The following ATP6V1H variants were observed in gnomAD, a reference collection of about 807,000 sequenced individuals.
ATP6V1H encodes V-type proton ATPase subunit H.
A neutral mutation model predicts 71.7 loss-of-function variants in ATP6V1H; 39 were observed. The ratio of observed to expected loss-of-function variants is 0.54; its 90% CI spans 0.42 to 0.71. ATP6V1H has a LOEUF of 0.71. ATP6V1H is among the 30% of genes least tolerant of loss of function. The pLI, the probability that ATP6V1H is intolerant of heterozygous loss-of-function variation, is 0.00. For missense variants in ATP6V1H, 509 were observed against 594.9 expected (o/e 0.86, Z 1.50); for synonymous variants, 192 against 199.3 (o/e 0.96, Z 0.31).
At chr8:53,738,184 C>G (rs746387924) in intron 13 of ATP6V1H, among the ~76,000 whole-genome samples, 12 of 151,786 alleles carry the variant, frequency 7.9e-5, no homozygotes, top group Non-Finnish European at 1.5e-4. Context: ...GTAATCCCAG[C>G]TACTTGGGAG....
intron 9 of ATP6V1H, 89 bp downstream of exon 9, chr8:53,795,558 A>G (rs1809699138): frequency 8.8e-7 from 1 of 1,132,056 alleles, no homozygotes; most frequent in South Asian, 1.4e-5. Context: ...CAAGAAGAAC[A>G]AGTAATTTTT....
chr8:53,798,897 A>G lies in ATP6V1H; in HGVS notation c.677+2902T>C, dbSNP rs140140014. On this transcript the variant is annotated intron_variant, in intron 8 of 13. Coordinates refer to ENST00000359530, the MANE Select transcript of ATP6V1H (RefSeq NM_015941.4). ...ATCTTTTTGCTGCTAAATGGTTAAC[A>G]TTGCTGAATGGTCTCTAAAATACTA... 2.3e-3 allele frequency among the ~76,000 whole-genome samples: 344 copies of G among 152,320 alleles called. 2 individuals are homozygous for G. The highest frequency in any genetic ancestry group is 7.8e-3 in the African/African-American group (326 of 41,568).
rs533482549 is a variant in ATP6V1H, at chr8:53,773,938, T to A, written c.871-1771A>T. ...GGAGATAAAACAGAAAAAGAGTAAG[T>A]GAACTTGAAAATAGGTTAAAGTTAT... On this transcript the variant is annotated intron_variant, in intron 9 of 13. Coordinates refer to ENST00000359530, the MANE Select transcript of ATP6V1H (RefSeq NM_015941.4). Among the ~76,000 whole-genome samples, 3 of 152,242 alleles carry A rather than the reference T, an allele frequency of 2.0e-5. No individual in the cohort carries two copies. In the South Asian group the frequency reaches 6.2e-4, roughly 32 times the overall value.
intron 9 of ATP6V1H, among the ~76,000 whole-genome samples, chr8:53,785,904 G>T (rs1331257433): frequency 6.6e-6 from 1 of 151,934 alleles, no homozygotes. Context: ...TGGAAGTTTT[G>T]TCTCAGAGGA....
chr8:53,717,216 T>C (rs1806454732), intron 13 of ATP6V1H, among the ~76,000 whole-genome samples: 1 of 152,232 alleles, frequency 6.6e-6, no homozygotes, highest in African/African-American at 2.4e-5. Flanking sequence ...GCTCTCCCCC[T>C]GCTACTGCCG....
At chr8:53,751,704 G>C (rs933587786) in intron 12 of ATP6V1H, among the ~76,000 whole-genome samples, 1 of 149,590 alleles carries the variant, frequency 6.7e-6, no homozygotes, top group Non-Finnish European at 1.5e-5. Context: ...GAGTCTCGCT[G>C]TGTCACCCAG....
chr8:53,803,143 C>T (rs1049180108), intron 7 of ATP6V1H, among the ~76,000 whole-genome samples: 1 of 152,214 alleles, frequency 6.6e-6, no homozygotes, highest in African/African-American at 2.4e-5. Context: ...TCAAAACCAG[C>T]CTGGCCAACA....
chr8:53,787,268 G>T (rs1414749135), intron 9 of ATP6V1H, among the ~76,000 whole-genome samples: 1 of 152,212 alleles, frequency 6.6e-6, no homozygotes, highest in African/African-American at 2.4e-5. Context: ...AGGCAAAGAC[G>T]TTGAGGCAGA....
intron 8 of ATP6V1H, among the ~76,000 whole-genome samples, chr8:53,800,512 A>C (rs1401876322): frequency 6.6e-6 from 1 of 152,230 alleles, no homozygotes; most frequent in East Asian, 1.9e-4. Flanking sequence ...GAAATCTTAA[A>C]CTGTGAGTCT....
At chr8:53,755,744 ATTTTTTTTTTTTTT>A (rs71254921) in intron 12 of ATP6V1H, among the ~76,000 whole-genome samples, 2 of 4,100 alleles carry the variant, frequency 4.9e-4, no homozygotes, top group Admixed American at 5.7e-3. Flanking sequence ...ATATATATAT[ATTTTTTTTTTTTTT>A]TTTTTTTTTT....
At chr8:53,804,606 G>A (rs1238940803) in intron 7 of ATP6V1H, among the ~76,000 whole-genome samples, 4 of 152,170 alleles carry the variant, frequency 2.6e-5, no homozygotes, top group Admixed American at 6.5e-5. Context: ...CCCAGGAGGT[G>A]GAAGTTGCAG....
intron 8 of ATP6V1H, among the ~76,000 whole-genome samples, chr8:53,801,078 A>G (rs1015623065): frequency 3.9e-5 from 6 of 152,252 alleles, no homozygotes; most frequent in African/African-American, 1.4e-4. Context: ...ATTGCATACA[A>G]ATACTGACTG....
At chr8:53,769,790 T>TCTTATAA in intron 10 of ATP6V1H, 47 bp from the exon 11 acceptor site, 3 of 1,483,448 alleles carry the variant, frequency 2.0e-6, no homozygotes, top group Non-Finnish European at 2.7e-6. Context: ...AATCTGACAG[T>TCTTATAA]ACTCCAAAAT....
chr8:53,722,752 G>A (rs1212869874), intron 13 of ATP6V1H, among the ~76,000 whole-genome samples: 1 of 152,164 alleles, frequency 6.6e-6, no homozygotes, highest in South Asian at 2.1e-4. Flanking sequence ...AAAATGTGCT[G>A]CAACAGCAGT....
intron 11 of ATP6V1H, among the ~76,000 whole-genome samples, chr8:53,765,966 G>A (rs1808445776): frequency 6.6e-6 from 1 of 152,160 alleles, no homozygotes; most frequent in African/African-American, 2.4e-5. Context: ...ACAGAACAGA[G>A]AGCCCAGAAA....
intron 9 of ATP6V1H, among the ~76,000 whole-genome samples, chr8:53,780,552 T>C (rs1333545853): frequency 1.3e-5 from 2 of 152,170 alleles, no homozygotes; most frequent in African/African-American, 4.8e-5. Flanking sequence ...AATTTTATTA[T>C]TATTACACTT....
At chr8:53,764,481 T>C (rs990364651) in intron 11 of ATP6V1H, among the ~76,000 whole-genome samples, 4 of 151,736 alleles carry the variant, frequency 2.6e-5, no homozygotes, top group Admixed American at 6.6e-5. Flanking sequence ...CCATTCATGA[T>C]AAAAACTCTC....
chr8:53,721,315 C>T (rs1242103365), intron 13 of ATP6V1H, among the ~76,000 whole-genome samples: 1 of 152,004 alleles, frequency 6.6e-6, no homozygotes, highest in East Asian at 1.9e-4. Context: ...ACAGCTGAAC[C>T]ATATAAAAAC....
intron 12 of ATP6V1H, 67 bp downstream of exon 12, chr8:53,756,488 G>C: frequency 8.4e-7 from 1 of 1,188,994 alleles, no homozygotes; most frequent in Non-Finnish European, 1.2e-6. Flanking sequence ...TTTTAGATAA[G>C]TACATTATTT....
Sources: allele counts gnomAD v4.1 joint callset (sites outside exome capture counted in the v4.1 genomes callset), GRCh38; gene constraint gnomAD v4.1.1; transcripts MANE v1.5; gene names NCBI Gene and HGNC (gene_info 2026-07-23, HGNC 2026-07-21).